Variants in MMACHC observed in about 807,000 individuals in gnomAD.
MMACHC encodes the protein metabolism of cobalamin associated C, also known as cyanocobalamin reductase / alkylcobalamin dealkylase.
In MMACHC, 14 loss-of-function variants were observed where a neutral mutation model predicts 17.6. The ratio of observed to expected loss-of-function variants is 0.80; its 90% CI spans 0.53 to 1.25. MMACHC has a LOEUF of 1.25. Ranked by LOEUF, MMACHC falls within the 50% of genes most tolerant of loss-of-function variation. The pLI is 0.00. For synonymous variants in MMACHC, 151 were observed against 142.1 expected (o/e 1.06, Z -0.45); for missense variants, 392 against 364.5 (o/e 1.08, Z -0.62).
In MMACHC at chr1:45,507,546, G is replaced by A; in HGVS notation, c.272G>A (p.Arg91Lys). The A allele has an allele frequency of 6.2e-7, 1 of 1,614,022 alleles. No individual in the cohort carries two copies. Among genetic ancestry groups the A allele is most frequent in the Non-Finnish European group, 8.5e-7 (1 of 1,179,878 alleles). ...GTGGCCTACCATCTGGGCCGTGTTA[G>A]AGAGGTGAGGAAGGCTCAGTTTTCC... ...QCVAYHLGRV[R>K]ESLPELQIEI... Residue 91 changes from arginine (R) to lysine (K), a missense_variant, in exon 2 of 4, where the codon AGA (arginine) becomes AAA (lysine). Physicochemically the swap from Arg to Lys is conservative, Grantham distance 26. Transcript: ENST00000401061.
chr1:45,509,914 C>T lies in MMACHC; in HGVS notation c.*699C>T, dbSNP rs1239566789. 6.6e-6 allele frequency: 1 copy of T among 151,760 alleles called. No individual in the cohort carries two copies. Among genetic ancestry groups the T allele is most frequent in the Non-Finnish European group, 1.5e-5 (1 of 67,978 alleles). 9.4% of individuals were successfully genotyped at this position (151,760 alleles called of 1,614,324 possible). A position where few individuals can be genotyped will look rare whatever the true frequency, so the allele number is the denominator to read the frequency against. Reference sequence around the variant, plus strand: ...CCAATACAGTGAAACCCCGTCTCTACTAAAAATGCAAAGTTAGCCGGGCAT... The same window carrying T: ...CCAATACAGTGAAACCCCGTCTCTATTAAAAATGCAAAGTTAGCCGGGCAT... On this transcript the variant is annotated 3_prime_UTR_variant, in exon 4 of 4. Transcript: ENST00000401061.
chr1:45,508,514 C>A, intron 3 of MMACHC, 150 bp downstream of exon 3: 2 of 995,594 alleles, frequency 2.0e-6, no homozygotes, highest in Non-Finnish European at 2.9e-6. Flanking sequence ...CTGTCACATG[C>A]GGTTGTCTAA....
chr1:45,504,923 G>A (rs554010508), intron 1 of MMACHC, among the ~76,000 whole-genome samples: 1 of 151,756 alleles, frequency 6.6e-6, no homozygotes, highest in African/African-American at 2.4e-5. Context: ...AGACCAGCCT[G>A]GCCAACATGG....
Position 45,509,226 on chromosome 1 carries a change from T to A in MMACHC, c.*11T>A. Reference sequence around the variant, plus strand: ...TCCCCTGGCCCTTGATTTTCTCCCATGTGGACCCTGATTTATGGTGGTACT... The same window carrying A: ...TCCCCTGGCCCTTGATTTTCTCCCAAGTGGACCCTGATTTATGGTGGTACT... On this transcript the variant is annotated 3_prime_UTR_variant, in exon 4 of 4. Coordinates refer to ENST00000401061, the MANE Select transcript of MMACHC (RefSeq NM_015506.3). 1.2e-6 allele frequency: 2 copies of A among 1,613,980 alleles called. No homozygotes were observed.
At chr1:45,505,641 C>T (rs1405968787) in intron 1 of MMACHC, among the ~76,000 whole-genome samples, 4 of 151,792 alleles carry the variant, frequency 2.6e-5, no homozygotes, top group African/African-American at 2.4e-5. Context: ...CGGTGGCTCA[C>T]GCCTGTAATC....
chr1:45,506,403 A>G (rs1342468933), intron 1 of MMACHC, among the ~76,000 whole-genome samples: 1 of 152,112 alleles, frequency 6.6e-6, no homozygotes, highest in African/African-American at 2.4e-5. Context: ...GACTGTTCCT[A>G]TGCCCTCATG....
chr1:45,511,430 A>G lies in MMACHC; in HGVS notation c.*2215A>G, dbSNP rs1439348450. 1.4e-5 allele frequency: 23 copies of G among 1,605,296 alleles called. No homozygotes were observed. The highest frequency in any genetic ancestry group is 1.9e-5 in the Non-Finnish European group (22 of 1,173,798). ...GCTGGGCACACTGCAAGAGAAAGGC[A>G]CCACTAATTAATAACCTTCTCAATG... On this transcript the variant is annotated 3_prime_UTR_variant, in exon 4 of 4. Coordinates refer to ENST00000401061, the MANE Select transcript of MMACHC (RefSeq NM_015506.3).
At position 45,509,349 on chromosome 1, in the gene MMACHC, C is replaced by A. The variant is rs1643694950; in HGVS notation, c.*134C>A. ...GAGATCTTCCATGAAGATAACAAGG[C>A]TCAAGGAAGTTAGGTTTGGCCAAGA... is the stretch of plus-strand genomic sequence containing the variant. On this transcript the variant is annotated 3_prime_UTR_variant, in exon 4 of 4. Coordinates refer to ENST00000401061, the MANE Select transcript of MMACHC (RefSeq NM_015506.3). 6.4e-6 allele frequency: 7 copies of A among 1,096,624 alleles called. No individual in the cohort carries two copies. The Admixed American group carries it at 7.0e-5, about 11-fold the overall frequency. 67.9% of individuals were successfully genotyped at this position (1,096,624 alleles called of 1,614,324 possible).
At chr1:45,503,423 ACT>A (rs1643573663) in intron 1 of MMACHC, among the ~76,000 whole-genome samples, 1 of 133,474 alleles carries the variant, frequency 7.5e-6, no homozygotes, top group Non-Finnish European at 1.5e-5. Flanking sequence ...TAACTCTCTA[ACT>A]CTCTGCTTTT....
intron 1 of MMACHC, among the ~76,000 whole-genome samples, chr1:45,503,312 C>A (rs1159283735): frequency 6.6e-6 from 1 of 151,974 alleles, no homozygotes; most frequent in African/African-American, 2.4e-5. Flanking sequence ...GCAGGAGAAT[C>A]GCTTGAGCCC....
chr1:45,501,651 G>A (rs1643547072), intron 1 of MMACHC, among the ~76,000 whole-genome samples: 1 of 152,178 alleles, frequency 6.6e-6, no homozygotes, highest in African/African-American at 2.4e-5. Flanking sequence ...GGGTTTTTGA[G>A]AAAACAAAAG....
At chr1:45,505,532 A>C (rs550205230) in intron 1 of MMACHC, among the ~76,000 whole-genome samples, 1 of 152,010 alleles carries the variant, frequency 6.6e-6, no homozygotes, top group Non-Finnish European at 1.5e-5. Flanking sequence ...GGCCCCAAGC[A>C]GTCCTCCTAC....
intron 1 of MMACHC, among the ~76,000 whole-genome samples, chr1:45,504,873 G>A (rs950423180): frequency 9.9e-5 from 15 of 152,204 alleles, no homozygotes; most frequent in South Asian, 4.1e-4. Flanking sequence ...TAGCACTTTG[G>A]GAGGCCAAGG....
In MMACHC at chr1:45,508,022, C is replaced by T. The variant is rs72898323; in HGVS notation, c.277-190C>T. Among the ~76,000 whole-genome samples, 9,800 of 152,258 alleles carry T rather than the reference C, an allele frequency of 0.064. 1,038 individuals are homozygous for T. Among genetic ancestry groups the T allele is most frequent in the African/African-American group, 0.22 (9,141 of 41,518 alleles). ...CCTTCACACCAGGTGTTATGTATTT[C>T]CCTTCAAACATGTGCCCTTCTGGAA... On this transcript the variant is annotated intron_variant, in intron 2 of 3. Transcript: ENST00000401061.
intron 2 of MMACHC, among the ~76,000 whole-genome samples, chr1:45,507,913 GAAC>G (rs1643659217): frequency 6.6e-6 from 1 of 152,318 alleles, no homozygotes; most frequent in East Asian, 1.9e-4. Flanking sequence ...TTTGAGGACA[GAAC>G]AATATTCTCC....
Position 45,507,641 on chromosome 1 carries a change from G to A in MMACHC, c.276+91G>A, listed in dbSNP as rs986339243. On this transcript the variant is annotated intron_variant, in intron 2 of 3. Coordinates refer to ENST00000401061, the MANE Select transcript of MMACHC (RefSeq NM_015506.3). The stretch of plus-strand genomic sequence containing the variant: ...ATGCAGGATCTAGACCTAGGGCTAG[G>A]AGCCACTTCAAAGGTGAAATGATAC... The A allele has an allele frequency of 1.4e-5, 20 of 1,404,054 alleles. No individual in the cohort carries two copies. The Admixed American group carries it at 1.8e-4, about 13-fold the overall frequency. 87.0% of individuals were successfully genotyped at this position (1,404,054 alleles called of 1,614,324 possible).
At chr1:45,502,200 A>G (rs1643557328) in intron 1 of MMACHC, among the ~76,000 whole-genome samples, 1 of 151,952 alleles carries the variant, frequency 6.6e-6, no homozygotes. Flanking sequence ...CTTCCACCAA[A>G]CTAGACAATT....
At chr1:45,508,148 C>G in intron 2 of MMACHC, 64 bp from the exon 3 acceptor site, 2 of 1,587,402 alleles carry the variant, frequency 1.3e-6, no homozygotes, top group Non-Finnish European at 1.7e-6. Flanking sequence ...AACTAGGGCT[C>G]CCTCGGACAA....
chr1:45,505,119 A>T (rs899014897), intron 1 of MMACHC, among the ~76,000 whole-genome samples: 1 of 10,348 alleles, frequency 9.7e-5, no homozygotes, highest in African/African-American at 7.7e-4. Context: ...GTATACATTT[A>T]AAAAAAAAAA....
Sources: allele counts gnomAD v4.1 joint callset (sites outside exome capture counted in the v4.1 genomes callset), GRCh38; gene constraint gnomAD v4.1.1; transcripts MANE v1.5; gene names NCBI Gene and HGNC (gene_info 2026-07-23, HGNC 2026-07-21).